PRH1: variants seen among roughly 807,000 people sequenced by gnomAD.
PRH1 encodes salivary acidic proline-rich phosphoprotein 1/2.
PRH1 carries 7 observed loss-of-function variants against 7.9 expected under a neutral mutation model. That is an observed-to-expected ratio of 0.89 (90% CI 0.50 to 1.67). The LOEUF (loss-of-function observed/expected upper bound fraction) is 1.67. PRH1 is among the 40% of genes most tolerant of loss of function. The pLI, the probability that PRH1 is intolerant of heterozygous loss-of-function variation, is 0.00. For missense variants in PRH1, 109 were observed against 223.6 expected (o/e 0.49, Z 3.27); for synonymous variants, 45 against 80.8 (o/e 0.56, Z 2.38).
intron 1 of PRH1, chr12:11,022,344 A>C: frequency 6.2e-7 from 1 of 1,614,182 alleles, no homozygotes. Flanking sequence ...CTTCTAAACC[A>C]TATAAAGCAG....
intron 2 of PRH1, chr12:10,938,345 C>T: frequency 2.5e-6 from 4 of 1,614,044 alleles, no homozygotes; most frequent in Non-Finnish European, 3.4e-6. Context: ...AGAGGCCTGT[C>T]TCAGCTTCTT....
intron 1 of PRH1, among the ~76,000 whole-genome samples, chr12:11,147,854 T>G (rs544630873): frequency 3.3e-5 from 5 of 152,086 alleles, no homozygotes; most frequent in African/African-American, 1.2e-4. Flanking sequence ...GGGGATGGCA[T>G]TGAATCTATA....
chr12:11,123,336 T>G (rs77768200), intron 1 of PRH1, among the ~76,000 whole-genome samples: 26 of 118,920 alleles, frequency 2.2e-4, no homozygotes, highest in East Asian at 1.9e-3. Context: ...TGTATATATA[T>G]CTGGGTGTAG....
At position 11,093,832 on chromosome 12, in the gene PRH1, T is replaced by C. The variant is rs1458851462; in HGVS notation, n.124-46644A>G. On this transcript the variant is annotated intron_variant and non_coding_transcript_variant, in intron 1 of 4. Coordinates refer to the PRH1 transcript ENST00000541977. ...CTTTCCATAGAGATTTGAGATGGCT[T>C]CCATACTGGGGATTCTTCCTCTTTC... Among the ~76,000 whole-genome samples the C allele has an allele frequency of 1.8e-5, 2 of 113,868 alleles. 1 individual carries two copies. Among genetic ancestry groups the C allele is most frequent in the Non-Finnish European group, 4.1e-5 (2 of 48,254 alleles). 74.7% of individuals were successfully genotyped at this position (113,868 alleles called of 152,430 possible).
intron 2 of PRH1, among the ~76,000 whole-genome samples, chr12:10,947,004 G>A (rs759450564): frequency 2.0e-5 from 3 of 152,066 alleles, no homozygotes; most frequent in Non-Finnish European, 4.4e-5. Context: ...TGTTTGGTAT[G>A]ATTTTGGTTA....
At chr12:11,083,242 G>GA (rs1386698118) in intron 1 of PRH1, among the ~76,000 whole-genome samples, 29,680 of 63,924 alleles carry the variant, frequency 0.46, 8,603 homozygotes, top group Non-Finnish European at 0.62. Flanking sequence ...TTGGAAAGAA[G>GA]AAAAAAGGTG....
intron 1 of PRH1, among the ~76,000 whole-genome samples, chr12:11,114,865 C>T (rs957358429): frequency 6.6e-6 from 1 of 152,034 alleles, no homozygotes; most frequent in Admixed American, 6.6e-5. Flanking sequence ...TTGCAAGCCT[C>T]ATGGTAATCT....
At chr12:11,136,269 C>G (rs1234770144) in intron 1 of PRH1, among the ~76,000 whole-genome samples, 1 of 152,118 alleles carries the variant, frequency 6.6e-6, no homozygotes, top group Non-Finnish European at 1.5e-5. Context: ...TTCTTGGACT[C>G]AACATTATGT....
intron 1 of PRH1, among the ~76,000 whole-genome samples, chr12:11,128,154 G>A (rs1475067204): frequency 2.7e-5 from 4 of 148,266 alleles, no homozygotes; most frequent in African/African-American, 4.9e-5. Flanking sequence ...CTCAACAATT[G>A]TATAACTATT....
chr12:11,142,221 G>C (rs545544356), intron 1 of PRH1, among the ~76,000 whole-genome samples: 3 of 152,280 alleles, frequency 2.0e-5, no homozygotes, highest in South Asian at 4.1e-4. Context: ...TACAAGCAAC[G>C]ATGACCAGCT....
chr12:11,101,950 T>C (rs552531125), intron 1 of PRH1, among the ~76,000 whole-genome samples: 1 of 151,838 alleles, frequency 6.6e-6, no homozygotes, highest in African/African-American at 2.4e-5. Flanking sequence ...CACAATTGCT[T>C]CAAAGAGAAT....
In PRH1 at chr12:11,150,437, T is replaced by C. The variant is rs377460975; in HGVS notation, n.39+20985A>G. Among the ~76,000 whole-genome samples the C allele has an allele frequency of 7.9e-5, 12 of 152,126 alleles. 1 individual carries two copies. The South Asian group carries it at 1.2e-3, about 16-fold the overall frequency. ...AACCAATCCAAATGTCCAACAATGA[T>C]AGACTGGATTAAGAAAATGTGGCAC... On this transcript the variant is annotated intron_variant and non_coding_transcript_variant, in intron 1 of 1. Coordinates refer to the PRH1 transcript ENST00000541175.
chr12:10,881,206 A>T (rs1949394590), intron 3 of PRH1, 150 bp from the exon 4 acceptor site: 1 of 153,292 alleles, frequency 6.5e-6, no homozygotes, highest in Non-Finnish European at 1.5e-5. Context: ...CTCCTTAGTA[A>T]TATTTTCTTT....
chr12:11,077,441 C>A, intron 1 of PRH1: 1 of 726,944 alleles, frequency 1.4e-6, no homozygotes, highest in Non-Finnish European at 2.1e-6. Flanking sequence ...TACATGATTC[C>A]AAGAGTTTGG....
rs1013805753 is a variant in PRH1, at chr12:11,093,243, G to A, written n.124-46055C>T. ...CCAATGCGGACTTTTTTAAATCACA[G>A]ATTTAAATACACAGAATCCTAACTG... On this transcript the variant is annotated intron_variant and non_coding_transcript_variant, in intron 1 of 4. Coordinates refer to the PRH1 transcript ENST00000541977. Among the ~76,000 whole-genome samples the A allele has an allele frequency of 3.5e-5, 4 of 115,766 alleles. 1 individual carries two copies. Among genetic ancestry groups the A allele is most frequent in the African/African-American group, 1.2e-4 (4 of 34,540 alleles). 75.9% of individuals were successfully genotyped at this position (115,766 alleles called of 152,430 possible). A position where few individuals can be genotyped will look rare whatever the true frequency, so the allele number is the denominator to read the frequency against.
intron 2 of PRH1, among the ~76,000 whole-genome samples, chr12:10,936,736 G>GACAC (rs762781529): frequency 3.3e-5 from 5 of 151,998 alleles, no homozygotes; most frequent in Non-Finnish European, 7.4e-5. Context: ...TTTTTATAAA[G>GACAC]ACACCAGTCC....
At chr12:10,951,324 T>C (rs1274319432) in intron 2 of PRH1, among the ~76,000 whole-genome samples, 1 of 152,180 alleles carries the variant, frequency 6.6e-6, no homozygotes, top group East Asian at 1.9e-4. Flanking sequence ...ATAGATCATA[T>C]ATTGGATGTC....
intron 1 of PRH1, among the ~76,000 whole-genome samples, chr12:11,123,155 T>C (rs926272922): frequency 1.3e-5 from 2 of 151,902 alleles, no homozygotes; most frequent in Admixed American, 1.3e-4. Flanking sequence ...CATGGTTGCA[T>C]GTACATGTGA....
chr12:10,910,646 C>T (rs180855928), intron 2 of PRH1, among the ~76,000 whole-genome samples: 5 of 152,172 alleles, frequency 3.3e-5, no homozygotes, highest in Admixed American at 3.3e-4. Flanking sequence ...CAAGGTTCCT[C>T]ACCCCGCCCC....
Sources: gnomAD v4.1 joint callset for allele counts (sites outside exome capture counted in the v4.1 genomes callset) on GRCh38, gnomAD v4.1.1 for gene constraint, MANE v1.5 for transcripts, NCBI Gene and HGNC (gene_info 2026-07-23, HGNC 2026-07-21) for gene names.